The following HSF1 variants were observed in gnomAD, a reference collection of about 807,000 sequenced individuals.
HSF1 encodes heat shock factor protein 1.
In HSF1, 32 loss-of-function variants were observed where a neutral mutation model predicts 51.7. The observed-to-expected ratio is 0.62, with a 90% CI of 0.47 to 0.83. The LOEUF is 0.83. HSF1 is among the 40% of genes least tolerant of loss of function. The pLI is 0.00. For synonymous variants in HSF1, 396 were observed against 309.7 expected (o/e 1.28, Z -2.92); for missense variants, 727 against 717.0 (o/e 1.01, Z -0.16).
chr8:144,313,414 C>G, intron 9 of HSF1, 97 bp from the exon 10 acceptor site: 15 of 802,398 alleles, frequency 1.9e-5, no homozygotes, highest in Non-Finnish European at 3.1e-5. Flanking sequence ...GGGGTGCAGC[C>G]TGGGGGGTAC....
intron 1 of HSF1, among the ~76,000 whole-genome samples, chr8:144,294,827 A>T (rs991764259): frequency 2.1e-5 from 3 of 140,924 alleles, no homozygotes; most frequent in Non-Finnish European, 4.6e-5. Flanking sequence ...CCTTGAGGGG[A>T]CCCAGCAAGT....
intron 1 of HSF1, among the ~76,000 whole-genome samples, chr8:144,304,452 T>C (rs1816083878): frequency 6.6e-6 from 1 of 152,160 alleles, no homozygotes. Context: ...TATTGAATTT[T>C]TATGTTTTGT....
intron 1 of HSF1, among the ~76,000 whole-genome samples, chr8:144,305,093 G>C (rs905010680): frequency 6.9e-6 from 1 of 145,298 alleles, no homozygotes; most frequent in Non-Finnish European, 1.5e-5. Flanking sequence ...GACTATAGGC[G>C]CCCGCCACTG....
chr8:144,311,987 G>T lies in HSF1; in HGVS notation c.885G>T (p.Val295=). The T allele has an allele frequency of 6.3e-7, 1 of 1,592,616 alleles. No individual in the cohort carries two copies. The highest frequency in any genetic ancestry group is 1.1e-5 in the South Asian group (1 of 89,388). Residue 295 remains valine, a synonymous_variant, in exon 9 of 13, where the codon GTG becomes GTT. Transcript: ENST00000528838. ...DERPLSSSPL[V]RVKEEPPSPP... ...GGCCCCTATCCAGCAGCCCCCTGGT[G>T]CGTGTCAAGGAGGAGCCCCCCAGCC...
At position 144,291,957 on chromosome 8, in the gene HSF1, A is replaced by AG; in HGVS notation, c.117+87dup. The AG allele has an allele frequency of 1.5e-6, 1 of 672,156 alleles. No homozygotes were observed. Among genetic ancestry groups the AG allele is most frequent in the Non-Finnish European group, 2.2e-6 (1 of 452,620 alleles). 41.6% of individuals were successfully genotyped at this position (672,156 alleles called of 1,614,324 possible). The stretch of plus-strand genomic sequence containing the variant: ...CGGACGGCGCGGGAGGGCTGCGGGG[A>AG]GGGGCCCTGCCGCACTTCAGCTTAC... On this transcript the variant is annotated intron_variant, in intron 1 of 12. Transcript: ENST00000528838. The surrounding 1 kb of genome is among the most constrained non-coding windows in gnomAD (Gnocchi z 4.1).
intron 2 of HSF1, 74 bp downstream of exon 2, chr8:144,309,088 C>G (rs782308720): frequency 6.9e-5 from 82 of 1,190,302 alleles, no homozygotes; most frequent in Non-Finnish European, 1.0e-4. Context: ...GCAGGAGGAC[C>G]CTGTGATGAA....
intron 1 of HSF1, among the ~76,000 whole-genome samples, chr8:144,304,857 T>A (rs1816109344): frequency 6.6e-6 from 1 of 151,676 alleles, no homozygotes; most frequent in Non-Finnish European, 1.5e-5. Context: ...CTGGCCAGGC[T>A]GGAACTCCTG....
At chr8:144,312,505 C>A in intron 9 of HSF1, 1 of 925,060 alleles carries the variant, frequency 1.1e-6, no homozygotes, top group Non-Finnish European at 1.7e-6. Flanking sequence ...CCACCCTCGC[C>A]ACAGGCCACG....
intron 1 of HSF1, among the ~76,000 whole-genome samples, chr8:144,300,487 G>A (rs537880739): frequency 6.6e-6 from 1 of 152,136 alleles, no homozygotes; most frequent in East Asian, 1.9e-4. Flanking sequence ...AAAGTGTTGG[G>A]CGCGTCAGCC....
intron 1 of HSF1, among the ~76,000 whole-genome samples, chr8:144,300,917 G>C (rs773551918): frequency 2.0e-5 from 3 of 152,140 alleles, no homozygotes; most frequent in African/African-American, 4.8e-5. Flanking sequence ...AAAGTAAAAA[G>C]GTGGTTCTTC....
In HSF1 at chr8:144,312,685, C is replaced by T. The variant is rs782296476; in HGVS notation, c.1142+441C>T. 5.9e-6 allele frequency: 9 copies of T among 1,535,546 alleles called. No individual in the cohort carries two copies. In the South Asian group the frequency reaches 1.1e-4, roughly 18 times the overall value. On this transcript the variant is annotated intron_variant, in intron 9 of 12. Coordinates refer to ENST00000528838, the MANE Select transcript of HSF1 (RefSeq NM_005526.4). ...CCCGCCTCTTCCCCTGCCCCTCTTC[C>T]TCTCCGCATGGCCAAGTCCAGCCAG...
rs1554844244 is a variant in HSF1, at chr8:144,311,050, G to C, written c.489-124G>C. The C allele has an allele frequency of 5.6e-6, 5 of 886,560 alleles. No individual in the cohort carries two copies. In the Admixed American group the frequency reaches 1.0e-4, roughly 18 times the overall value. 54.9% of individuals were successfully genotyped at this position (886,560 alleles called of 1,614,324 possible). ...CACACAAGTTCTCATCCTGGGGTGG[G>C]CCAGGCCAGACATGGTCACACTTAC... On this transcript the variant is annotated intron_variant, in intron 4 of 12. Coordinates refer to ENST00000528838, the MANE Select transcript of HSF1 (RefSeq NM_005526.4).
At chr8:144,299,895 C>T (rs545920301) in intron 1 of HSF1, among the ~76,000 whole-genome samples, 69 of 152,114 alleles carry the variant, frequency 4.5e-4, no homozygotes, top group African/African-American at 1.4e-3. Flanking sequence ...GGTGACAGAG[C>T]GAGACCCCGT....
rs781856136 is a variant in HSF1, at chr8:144,312,079, C to A, written c.977C>A (p.Ser326Tyr). The change falls in exon 9 of 13, where the codon TCC (serine) becomes TAC (tyrosine). Residue 326 changes from serine to tyrosine, a missense_variant. Transcript: ENST00000528838. ...GRPSSVDTLL[S>Y]PTALIDSILR... Reference sequence around the variant, plus strand: ...CCATCTTCCGTGGACACCCTCTTGTCCCCGACCGCCCTCATTGACTCCATC... The same window carrying A: ...CCATCTTCCGTGGACACCCTCTTGTACCCGACCGCCCTCATTGACTCCATC... The A allele has an allele frequency of 1.2e-5, 19 of 1,612,312 alleles. No individual in the cohort carries two copies. The highest frequency in any genetic ancestry group is 5.3e-5 in the African/African-American group (4 of 74,890).
chr8:144,314,407 C>T lies in HSF1; in HGVS notation c.*77C>T. Reference sequence around the variant, plus strand: ...TGGTCTTGGGGAGGCAGGGCAGCCTCGCGGTCTTGGGCACTGGTGGGTCGG... The same window carrying T: ...TGGTCTTGGGGAGGCAGGGCAGCCTTGCGGTCTTGGGCACTGGTGGGTCGG... On this transcript the variant is annotated 3_prime_UTR_variant, in exon 13 of 13. Coordinates refer to ENST00000528838, the MANE Select transcript of HSF1 (RefSeq NM_005526.4). 3.0e-6 allele frequency: 4 copies of T among 1,350,016 alleles called. No individual in the cohort carries two copies. The highest frequency in any genetic ancestry group is 1.9e-4 in the Middle Eastern group (1 of 5,218). The allele number at this position is 1,350,016 out of a possible 1,614,324, so 83.6% of individuals were successfully genotyped here.
intron 1 of HSF1, among the ~76,000 whole-genome samples, chr8:144,296,033 A>G (rs1815428837): frequency 6.6e-6 from 1 of 152,106 alleles, no homozygotes. Context: ...CCTGAGACTG[A>G]GTGAGCTGGA....
At position 144,313,652 on chromosome 8, in the gene HSF1, GCCTCCCCGCCGCGCCGCC is replaced by G. The variant is rs1816886026; in HGVS notation, c.1248+39_1248+56del. Reference sequence around the variant, plus strand: ...CCCCGCCGCCCCGCCTCCCCGCCCCGCCTCCCCGCCGCGCCGCCCCGCCTCCCCGCCCCGCCTCCCCGC... The same window carrying G: ...CCCCGCCGCCCCGCCTCCCCGCCCCGCCGCCTCCCCGCCCCGCCTCCCCGC... On this transcript the variant is annotated intron_variant, in intron 10 of 12. Transcript: ENST00000528838. The G allele has an allele frequency of 2.9e-5, 7 of 241,526 alleles. No individual in the cohort carries two copies. The African/African-American group carries it at 6.2e-4, about 21-fold the overall frequency. 15.0% of individuals were successfully genotyped at this position (241,526 alleles called of 1,614,324 possible). A position where few individuals can be genotyped will look rare whatever the true frequency, so the allele number is the denominator to read the frequency against.
At position 144,311,971 on chromosome 8, in the gene HSF1, C is replaced by G. The variant is rs1554844757; in HGVS notation, c.869C>G (p.Ser290Cys). The G allele has an allele frequency of 6.3e-7, 1 of 1,587,366 alleles. No homozygotes were observed. Among genetic ancestry groups the G allele is most frequent in the Non-Finnish European group, 8.6e-7 (1 of 1,167,896 alleles). Residue 290 changes from serine to cysteine, a missense_variant, in exon 9 of 13, where the codon TCC (serine) becomes TGC (cysteine). By Grantham distance (112) the Ser-to-Cys change is moderately radical. Coordinates refer to ENST00000528838, the MANE Select transcript of HSF1 (RefSeq NM_005526.4). ...PGGSIDERPL[S>C]SSPLVRVKEE... Reference sequence around the variant, plus strand: ...GCCCCCCTCGTGTGCAGGCCCCTATCCAGCAGCCCCCTGGTGCGTGTCAAG... The same window carrying G: ...GCCCCCCTCGTGTGCAGGCCCCTATGCAGCAGCCCCCTGGTGCGTGTCAAG...
rs371634318 is a variant in HSF1, at chr8:144,311,846, G to A, written c.860+10G>A. 1.2e-4 allele frequency: 190 copies of A among 1,595,470 alleles called. 1 individual carries two copies. The African/African-American group carries it at 1.6e-3, about 13-fold the overall frequency. On this transcript the variant is annotated intron_variant, in intron 8 of 12. Transcript: ENST00000528838. Reference sequence around the variant, plus strand: ...GGAGCATAGACGAGAGGTGGGGGCCGCATCACCCCAGCCATCCTGTCCCCC... The same window carrying A: ...GGAGCATAGACGAGAGGTGGGGGCCACATCACCCCAGCCATCCTGTCCCCC...
Sources: allele counts gnomAD v4.1 joint callset (sites outside exome capture counted in the v4.1 genomes callset), GRCh38; gene constraint gnomAD v4.1.1; non-coding constraint Gnocchi (gnomAD v3.1); transcripts MANE v1.5; gene names NCBI Gene and HGNC (gene_info 2026-07-23, HGNC 2026-07-21).